KAZN: variants seen among roughly 807,000 people sequenced by gnomAD.
The protein encoded by KAZN is kazrin, periplakin interacting protein, also known as kazrin.
KAZN carries 40 observed loss-of-function variants against 87.4 expected under a neutral mutation model. The ratio of observed to expected loss-of-function variants is 0.46; its 90% CI spans 0.36 to 0.60. The LOEUF (loss-of-function observed/expected upper bound fraction) is 0.60. KAZN is among the 20% of genes least tolerant of loss of function. The pLI, the probability that KAZN is intolerant of heterozygous loss-of-function variation, is 0.00. For synonymous variants in KAZN, 466 were observed against 458.3 expected (o/e 1.02, Z -0.22); for missense variants, 898 against 1,073.9 (o/e 0.84, Z 2.29).
intron 2 of KAZN, among the ~76,000 whole-genome samples, chr1:14,421,592 A>T (rs979715634): frequency 6.6e-6 from 1 of 152,184 alleles, no homozygotes; most frequent in Non-Finnish European, 1.5e-5. Context: ...ATGTTTCCCA[A>T]ACCAAAGTCT....
chr1:14,032,326 A>G (rs1052230461), intron 1 of KAZN, among the ~76,000 whole-genome samples: 27 of 152,226 alleles, frequency 1.8e-4, no homozygotes, highest in African/African-American at 6.3e-4. Context: ...TCTTCAAGAT[A>G]CAGACAGGAA....
chr1:14,623,123 T>C (rs1003455498), intron 1 of KAZN, among the ~76,000 whole-genome samples: 2 of 152,198 alleles, frequency 1.3e-5, no homozygotes, highest in African/African-American at 2.4e-5. Context: ...GATATATTGG[T>C]ATATACCCAA....
At chr1:14,342,946 G>C (rs1198553574) in intron 2 of KAZN, among the ~76,000 whole-genome samples, 1 of 152,148 alleles carries the variant, frequency 6.6e-6, no homozygotes. Context: ...TTTGAGACCA[G>C]CTTGGCCAAC....
intron 1 of KAZN, among the ~76,000 whole-genome samples, chr1:14,905,912 T>C (rs979706322): frequency 1.3e-5 from 2 of 148,916 alleles, no homozygotes; most frequent in African/African-American, 5.0e-5. Context: ...CTCATGCCTG[T>C]AATCACAGCA....
chr1:14,482,349 G>T (rs1193609532), intron 2 of KAZN, among the ~76,000 whole-genome samples: 3 of 152,176 alleles, frequency 2.0e-5, no homozygotes, highest in Admixed American at 6.5e-5. Context: ...GCCAGAGTTT[G>T]AATAAAATCA....
chr1:14,151,369 C>G (rs1243867640), intron 1 of KAZN, among the ~76,000 whole-genome samples: 2 of 151,914 alleles, frequency 1.3e-5, no homozygotes, highest in Admixed American at 6.6e-5. Flanking sequence ...TAGCTGTTTT[C>G]CTCTTAAAAT....
At chr1:15,057,071 C>T (rs1638347643) in intron 5 of KAZN, among the ~76,000 whole-genome samples, 1 of 152,266 alleles carries the variant, frequency 6.6e-6, no homozygotes, top group Non-Finnish European at 1.5e-5. Context: ...GAGTCAGACA[C>T]AGCCCTGACC....
rs528480060 is a variant in KAZN, at chr1:14,761,948, AACTCTG to A, written c.226+162726_226+162731del. On this transcript the variant is annotated intron_variant, in intron 1 of 14. Coordinates refer to ENST00000376030, the MANE Select transcript of KAZN (RefSeq NM_201628.3). Reference sequence around the variant, plus strand: ...AAGGAAGCAGAAATCGTAATATGCCAACTCTGGCTCTAACAGATGCATCCTGTGTGT... The same window carrying A: ...AAGGAAGCAGAAATCGTAATATGCCAGCTCTAACAGATGCATCCTGTGTGT... Among the ~76,000 whole-genome samples, 9 of 150,758 alleles carry A rather than the reference AACTCTG, an allele frequency of 6.0e-5. No individual in the cohort carries two copies. In the South Asian group the frequency reaches 1.9e-3, roughly 32 times the overall value.
At chr1:14,424,267 T>A (rs567754787) in intron 2 of KAZN, among the ~76,000 whole-genome samples, 10 of 152,304 alleles carry the variant, frequency 6.6e-5, no homozygotes, top group African/African-American at 1.9e-4. Context: ...AGTCTCATGA[T>A]CATTACACTT....
intron 1 of KAZN, among the ~76,000 whole-genome samples, chr1:14,848,522 C>T (rs1199127954): frequency 6.6e-6 from 1 of 152,202 alleles, no homozygotes; most frequent in East Asian, 1.9e-4. Context: ...AAAGACAACT[C>T]CTTGTCGAGG....
intron 1 of KAZN, among the ~76,000 whole-genome samples, chr1:14,660,240 C>T (rs1369173252): frequency 2.6e-5 from 4 of 152,166 alleles, no homozygotes. Context: ...TGGACCCCTG[C>T]TCTTGGGAGC....
intron 1 of KAZN, among the ~76,000 whole-genome samples, chr1:14,124,831 G>C (rs1445240351): frequency 6.6e-6 from 1 of 152,206 alleles, no homozygotes; most frequent in Non-Finnish European, 1.5e-5. Flanking sequence ...TGGAAATGTG[G>C]TTTGGAAAGA....
chr1:15,093,117 G>A (rs1347202191), intron 8 of KAZN, among the ~76,000 whole-genome samples: 1 of 152,076 alleles, frequency 6.6e-6, no homozygotes, highest in Non-Finnish European at 1.5e-5. Context: ...ATAAATTACG[G>A]AGCCTCCTTC....
intron 1 of KAZN, among the ~76,000 whole-genome samples, chr1:14,921,042 G>T (rs1382314195): frequency 1.3e-5 from 2 of 152,070 alleles, no homozygotes; most frequent in Non-Finnish European, 2.9e-5. Context: ...TTGAGAGCAG[G>T]GAGAGTGAGG....
intron 2 of KAZN, among the ~76,000 whole-genome samples, chr1:14,251,033 C>G (rs1014332982): frequency 1.3e-5 from 2 of 152,038 alleles, no homozygotes; most frequent in African/African-American, 4.8e-5. Flanking sequence ...CCAGAATGCC[C>G]CCTAGTGAAC....
chr1:14,439,738 A>G (rs370096895), intron 2 of KAZN, among the ~76,000 whole-genome samples: 1 of 152,208 alleles, frequency 6.6e-6, no homozygotes, highest in South Asian at 2.1e-4. Context: ...CAGGCCTACA[A>G]TGCCCAACAT....
At chr1:14,482,394 C>T (rs1381305293) in intron 2 of KAZN, among the ~76,000 whole-genome samples, 13 of 152,306 alleles carry the variant, frequency 8.5e-5, no homozygotes, top group Middle Eastern at 6.8e-3. Flanking sequence ...CTAGAGCTCA[C>T]GGCTAAGAGT....
intron 1 of KAZN, among the ~76,000 whole-genome samples, chr1:14,626,578 C>T (rs555705166): frequency 6.6e-6 from 1 of 152,294 alleles, no homozygotes; most frequent in East Asian, 1.9e-4. Context: ...AGCCTCTCGT[C>T]CACTTTCTCC....
At chr1:14,256,499 C>T (rs1016267809) in intron 2 of KAZN, among the ~76,000 whole-genome samples, 2 of 151,810 alleles carry the variant, frequency 1.3e-5, no homozygotes, top group African/African-American at 2.4e-5. Flanking sequence ...GGGAAGGAGA[C>T]AGAGAGAGGA....
Sources: gnomAD v4.1 joint callset for allele counts (sites outside exome capture counted in the v4.1 genomes callset) on GRCh38, gnomAD v4.1.1 for gene constraint, MANE v1.5 for transcripts, NCBI Gene and HGNC (gene_info 2026-07-23, HGNC 2026-07-21) for gene names.